PPARGC1A: variants seen among roughly 807,000 people sequenced by gnomAD.
The protein encoded by PPARGC1A is peroxisome proliferator-activated receptor gamma coactivator 1-alpha.
PPARGC1A carries 25 observed loss-of-function variants against 88.7 expected under a neutral mutation model. The ratio of observed to expected loss-of-function variants is 0.28; its 90% CI spans 0.21 to 0.39. The LOEUF is 0.39. Ranked by LOEUF, PPARGC1A falls within the 10% of genes least tolerant of loss-of-function variation. The probability of loss-of-function intolerance (pLI) is 1.00; values close to 1 mark genes in which losing one functional copy is unlikely to be tolerated. For synonymous variants in PPARGC1A, 363 were observed against 355.6 expected, an observed-to-expected ratio of 1.02 and a Z score of -0.24; for missense variants, 880 against 968.7, an observed-to-expected ratio of 0.91 and a Z score of 1.22.
At chr4:24,132,901 T>G in the PPARGC1A span, among the ~76,000 whole-genome samples, 3 of 152,180 alleles carry the variant, frequency 2.0e-5, no homozygotes, top group Non-Finnish European at 4.4e-5. Context: ...ACATTACTGC[T>G]GACATTTAAA....
chr4:23,913,487 T>C, the PPARGC1A span, among the ~76,000 whole-genome samples: 5 of 151,918 alleles, frequency 3.3e-5, no homozygotes, highest in African/African-American at 1.2e-4. Context: ...GGCCCTTCCA[T>C]AGTAGTAGAA....
chr4:24,031,832 C>T, the PPARGC1A span, among the ~76,000 whole-genome samples: 16 of 152,182 alleles, frequency 1.1e-4, no homozygotes, highest in South Asian at 2.1e-4. Flanking sequence ...GTAGGATGCA[C>T]AATCTCAGAA....
the PPARGC1A span, among the ~76,000 whole-genome samples, chr4:24,200,255 C>A: frequency 6.6e-6 from 1 of 152,050 alleles, no homozygotes; most frequent in Admixed American, 6.6e-5. Context: ...AGGTCAGATA[C>A]AGTGACTCAT....
At chr4:24,272,163 T>C in the PPARGC1A span, among the ~76,000 whole-genome samples, 2 of 152,210 alleles carry the variant, frequency 1.3e-5, no homozygotes, top group African/African-American at 4.8e-5. Context: ...TCTTCCTACA[T>C]ATTTTCACCT....
chr4:24,219,961 T>C, the PPARGC1A span, among the ~76,000 whole-genome samples: 1 of 152,164 alleles, frequency 6.6e-6, no homozygotes, highest in African/African-American at 2.4e-5. Flanking sequence ...ATTTCTCTCC[T>C]TAGGAATAAG....
At chr4:24,050,146 C>T in the PPARGC1A span, among the ~76,000 whole-genome samples, 3 of 149,952 alleles carry the variant, frequency 2.0e-5, no homozygotes, top group African/African-American at 7.4e-5. Context: ...ACTTATACGG[C>T]TAGAGTTTAG....
the PPARGC1A span, among the ~76,000 whole-genome samples, chr4:24,368,737 C>G: frequency 1.3e-5 from 2 of 152,090 alleles, no homozygotes; most frequent in African/African-American, 4.8e-5. Flanking sequence ...TTCTTAAGTG[C>G]TACACTAAAG....
chr4:24,433,813 G>A, the PPARGC1A span, among the ~76,000 whole-genome samples: 5 of 152,236 alleles, frequency 3.3e-5, no homozygotes, highest in South Asian at 4.2e-4. Flanking sequence ...TGGACAGCCC[G>A]ATTTTTATTG....
the PPARGC1A span, among the ~76,000 whole-genome samples, chr4:23,933,906 G>A: frequency 6.6e-6 from 1 of 152,168 alleles, no homozygotes; most frequent in African/African-American, 2.4e-5. Context: ...TTCAGGAAAA[G>A]GTGTAATGTG....
chr4:23,814,343 CA>C lies in PPARGC1A; in HGVS notation c.1139del (p.Leu380ArgfsTer31). 2 of 1,614,010 alleles carry C rather than the reference CA, an allele frequency of 1.2e-6. No homozygotes were observed. The highest frequency in any genetic ancestry group is 1.7e-6 in the Non-Finnish European group (2 of 1,179,994). ...ERKTKRPSLRLFGDHDYCQSI... is the reference protein window; with the variant it reads ...ERKTKRPSLRXFGDHDYCQSI... ...ACTGGCAATAGTCATGGTCACCAAA[CA>C]GCCGCAGACTGGGCCGCTTGGTCTT... On this transcript the variant is annotated frameshift_variant, in exon 8 of 13. Transcript: ENST00000264867. LOFTEE classifies it high-confidence loss of function.
chr4:23,943,791 T>C, the PPARGC1A span, among the ~76,000 whole-genome samples: 1 of 152,212 alleles, frequency 6.6e-6, no homozygotes, highest in South Asian at 2.1e-4. Flanking sequence ...GCATGTCTTC[T>C]TGACATGATA....
At chr4:23,864,756 G>A (rs1324619035) in intron 2 of PPARGC1A, among the ~76,000 whole-genome samples, 1 of 152,238 alleles carries the variant, frequency 6.6e-6, no homozygotes, top group Non-Finnish European at 1.5e-5. Flanking sequence ...CTGTATTGCA[G>A]AGTCAGCCTT....
chr4:24,086,965 G>C, the PPARGC1A span, among the ~76,000 whole-genome samples: 1 of 152,100 alleles, frequency 6.6e-6, no homozygotes, highest in Non-Finnish European at 1.5e-5. Context: ...GGACACCAAG[G>C]TTAGAACTCA....
At chr4:24,125,974 C>A in the PPARGC1A span, among the ~76,000 whole-genome samples, 610 of 152,230 alleles carry the variant, frequency 4.0e-3, 7 homozygotes, top group African/African-American at 0.014. Flanking sequence ...AAACTCCTGG[C>A]GGGCTTTGAA....
the PPARGC1A span, among the ~76,000 whole-genome samples, chr4:24,279,977 C>A: frequency 6.6e-6 from 1 of 152,084 alleles, no homozygotes; most frequent in Non-Finnish European, 1.5e-5. Flanking sequence ...TAGAGAGGCC[C>A]AGCCCAATTC....
In PPARGC1A at chr4:23,795,778, T is replaced by G; in HGVS notation, c.*44A>C. The G allele has an allele frequency of 1.4e-6, 2 of 1,438,174 alleles. No homozygotes were observed. The highest frequency in any genetic ancestry group is 1.9e-6 in the Non-Finnish European group (2 of 1,036,192). 89.1% of individuals were successfully genotyped at this position (1,438,174 alleles called of 1,614,324 possible). A position where few individuals can be genotyped will look rare whatever the true frequency, so the allele number is the denominator to read the frequency against. ...CTTTAGGGAAGGACGCGCTGTCCCA[T>G]GAGGTATTCGCCATCCCTCTGTCAT... is the stretch of plus-strand genomic sequence containing the variant. On this transcript the variant is annotated 3_prime_UTR_variant, in exon 13 of 13. Coordinates refer to ENST00000264867, the MANE Select transcript of PPARGC1A (RefSeq NM_013261.5).
chr4:23,846,910 A>G lies in PPARGC1A; in HGVS notation c.235-15159T>C, dbSNP rs78873885. Among the ~76,000 whole-genome samples the G allele has an allele frequency of 3.4e-3, 521 of 152,230 alleles. 17 individuals carry two copies. The East Asian group carries it at 0.059, about 17-fold the overall frequency. The stretch of plus-strand genomic sequence containing the variant: ...TTATTTACAAAAACAGGGCACAAAT[A>G]TTTTTTCTTAGAAAAGGTTTCATAC... On this transcript the variant is annotated intron_variant, in intron 2 of 12. Coordinates refer to ENST00000264867, the MANE Select transcript of PPARGC1A (RefSeq NM_013261.5).
At chr4:24,251,865 C>A in the PPARGC1A span, among the ~76,000 whole-genome samples, 4 of 152,246 alleles carry the variant, frequency 2.6e-5, no homozygotes, top group Admixed American at 6.5e-5. Context: ...ACAGGAGCAC[C>A]CTCTCGGCTC....
the PPARGC1A span, among the ~76,000 whole-genome samples, chr4:24,194,703 A>T: frequency 1.3e-5 from 2 of 151,646 alleles, no homozygotes; most frequent in Non-Finnish European, 2.9e-5. Flanking sequence ...TGCCTCTTCA[A>T]ATGTTGGCTC....
Sources: gnomAD v4.1 joint callset for allele counts (sites outside exome capture counted in the v4.1 genomes callset) on GRCh38, gnomAD v4.1.1 for gene constraint, MANE v1.5 for transcripts, NCBI Gene and HGNC (gene_info 2026-07-23, HGNC 2026-07-21) for gene names.